ERGIC2: variants seen among roughly 807,000 people sequenced by gnomAD.
ERGIC2 encodes the protein endoplasmic reticulum-Golgi intermediate compartment protein 2.
A neutral mutation model predicts 52.5 loss-of-function variants in ERGIC2; 31 were observed. The observed-to-expected ratio is 0.59, with a 90% confidence interval of 0.44 to 0.80. The LOEUF (loss-of-function observed/expected upper bound fraction) is 0.80. ERGIC2 is among the 30% of genes least tolerant of loss of function. The pLI is 0.00. For synonymous variants in ERGIC2, 129 were observed against 140.6 expected, an observed-to-expected ratio of 0.92 and a Z score of 0.58; for missense variants, 395 against 455.2, an observed-to-expected ratio of 0.87 and a Z score of 1.20.
chr12:29,374,996 C>A (rs944631279), intron 1 of ERGIC2, among the ~76,000 whole-genome samples: 1 of 152,138 alleles, frequency 6.6e-6, no homozygotes, highest in Non-Finnish European at 1.5e-5. Context: ...AAAACCAGGT[C>A]CTGCTAACCT....
At chr12:29,369,994 A>T in intron 3 of ERGIC2, 120 bp downstream of exon 3, 1 of 907,882 alleles carries the variant, frequency 1.1e-6, no homozygotes. Flanking sequence ...TTTCAGGACT[A>T]TTTCTTCAGA....
intron 11 of ERGIC2, among the ~76,000 whole-genome samples, 175 bp downstream of exon 11, chr12:29,345,268 C>A (rs1940029383): frequency 6.6e-6 from 1 of 152,092 alleles, no homozygotes. Context: ...TACTAATATT[C>A]ATTTCTGACA....
chr12:29,379,409 A>C (rs1166483324), intron 1 of ERGIC2, among the ~76,000 whole-genome samples: 1 of 152,142 alleles, frequency 6.6e-6, no homozygotes, highest in Non-Finnish European at 1.5e-5. Flanking sequence ...TAATTTAAGA[A>C]AACAAGCAAC....
chr12:29,343,149 C>A lies in ERGIC2; in HGVS notation c.959G>T (p.Gly320Val). 1 of 1,609,848 alleles carries A rather than the reference C, an allele frequency of 6.2e-7. No homozygotes were observed. The highest frequency in any genetic ancestry group is 8.5e-7 in the Non-Finnish European group (1 of 1,177,410). The change falls in exon 12 of 14, where the codon GGT (glycine) becomes GTT (valine). Residue 320 changes from glycine (G) to valine (V), a missense_variant. Gly to Val is a moderately radical substitution (Grantham distance 109). Coordinates refer to ENST00000360150, the MANE Select transcript of ERGIC2 (RefSeq NM_016570.3). ...TGTTGAAAAGATTCCTCCAACAATACCACAGAGTCTTACAAAAAACTGCCA... is the reference window on the plus strand; with the variant it reads ...TGTTGAAAAGATTCCTCCAACAATAACACAGAGTCTTACAAAAAACTGCCA... ...PFWQFFVRLC[G>V]IVGGIFSTTG...
chr12:29,355,382 C>T (rs780814240), intron 8 of ERGIC2, among the ~76,000 whole-genome samples: 1 of 151,990 alleles, frequency 6.6e-6, no homozygotes, highest in East Asian at 1.9e-4. Flanking sequence ...AGGGCAAAAA[C>T]CCTTTATTTT....
chr12:29,337,821 T>C lies in ERGIC2; in HGVS notation c.*3335A>G, dbSNP rs576187891. 1.4e-4 allele frequency: 22 copies of C among 152,314 alleles called. 1 individual carries two copies. The highest frequency in any genetic ancestry group is 5.1e-4 in the African/African-American group (21 of 41,576). 9.4% of individuals were successfully genotyped at this position (152,314 alleles called of 1,614,324 possible). ...TTCATATTAAATTACTTTTTGGTACTTGAATTACTAACTCAGGACATAGAT... is the reference window on the plus strand; with the variant it reads ...TTCATATTAAATTACTTTTTGGTACCTGAATTACTAACTCAGGACATAGAT... On this transcript the variant is annotated 3_prime_UTR_variant, in exon 14 of 14. Coordinates refer to ENST00000360150, the MANE Select transcript of ERGIC2 (RefSeq NM_016570.3).
intron 8 of ERGIC2, among the ~76,000 whole-genome samples, chr12:29,352,837 T>A (rs369471291): frequency 2.0e-5 from 3 of 151,966 alleles, no homozygotes; most frequent in Non-Finnish European, 2.9e-5. Context: ...CCTGTTCTTT[T>A]AGCACCTTTA....
At chr12:29,341,860 T>G in intron 12 of ERGIC2, 44 bp from the exon 13 acceptor site, 1 of 970,400 alleles carries the variant, frequency 1.0e-6, no homozygotes, top group Non-Finnish European at 1.7e-6. Flanking sequence ...TTTCCTAAAC[T>G]GTTATTTAAG....
At chr12:29,346,542 AACC>A (rs910145673) in intron 10 of ERGIC2, among the ~76,000 whole-genome samples, 13 of 152,278 alleles carry the variant, frequency 8.5e-5, no homozygotes, top group Admixed American at 4.6e-4. Flanking sequence ...ATAAGAGAAT[AACC>A]ACCACAAGAC....
At chr12:29,368,332 C>A (rs1026170086) in intron 3 of ERGIC2, 45 bp from the exon 4 acceptor site, 4 of 992,098 alleles carry the variant, frequency 4.0e-6, no homozygotes, top group Non-Finnish European at 6.3e-6. Flanking sequence ...AATTAATTAG[C>A]AAAACATGAG....
At position 29,340,643 on chromosome 12, in the gene ERGIC2, G is replaced by A. The variant is rs1949830754; in HGVS notation, c.*513C>T. 1.1e-5 allele frequency: 3 copies of A among 277,362 alleles called. No homozygotes were observed. Among genetic ancestry groups the A allele is most frequent in the South Asian group, 1.0e-4 (3 of 28,956 alleles). 17.2% of individuals were successfully genotyped at this position (277,362 alleles called of 1,614,324 possible). ...AACATTAATATGGCTATAACATAGG[G>A]ACTAGCCCGTTTTTTTTTTTTATTA... On this transcript the variant is annotated 3_prime_UTR_variant, in exon 14 of 14. Coordinates refer to ENST00000360150, the MANE Select transcript of ERGIC2 (RefSeq NM_016570.3).
intron 8 of ERGIC2, among the ~76,000 whole-genome samples, chr12:29,350,283 A>G (rs1462554957): frequency 6.6e-6 from 1 of 152,150 alleles, no homozygotes; most frequent in African/African-American, 2.4e-5. Flanking sequence ...AGAGCCAGAT[A>G]GTAAATACTT....
At chr12:29,366,082 CTTCACTT>C (rs1375146156) in intron 5 of ERGIC2, among the ~76,000 whole-genome samples, 2 of 151,966 alleles carry the variant, frequency 1.3e-5, no homozygotes, top group East Asian at 1.9e-4. Flanking sequence ...CACCTTCACT[CTTCACTT>C]TGCAAATTTG....
At chr12:29,379,552 G>A (rs78139956) in intron 1 of ERGIC2, among the ~76,000 whole-genome samples, 4,840 of 152,224 alleles carry the variant, frequency 0.032, 104 homozygotes, top group South Asian at 0.072. Context: ...GGCAACATTT[G>A]TAACTACAGA....
chr12:29,365,470 G>A (rs1940347165), intron 5 of ERGIC2, among the ~76,000 whole-genome samples: 1 of 151,738 alleles, frequency 6.6e-6, no homozygotes, highest in South Asian at 2.1e-4. Context: ...GGGAGGGAGG[G>A]AGAAGGAAAA....
At chr12:29,361,517 T>C in intron 6 of ERGIC2, 128 bp downstream of exon 6, 1 of 568,038 alleles carries the variant, frequency 1.8e-6, no homozygotes, top group South Asian at 4.6e-5. Flanking sequence ...GATTATATTA[T>C]ATACCAAATT....
Position 29,356,269 on chromosome 12 carries a change from CGCCTCA to C in ERGIC2, c.572+107_572+112del, listed in dbSNP as rs1940203154. On this transcript the variant is annotated intron_variant, in intron 8 of 13. Coordinates refer to ENST00000360150, the MANE Select transcript of ERGIC2 (RefSeq NM_016570.3). ...AACTCCTGACCTCAGGTGATCCACC[CGCCTCA>C]GCCTCCCAAAGTGCTGGGATTACAG... The C allele has an allele frequency of 4.8e-6, 3 of 620,038 alleles. No homozygotes were observed. The East Asian group carries it at 8.9e-5, about 18-fold the overall frequency. The allele number at this position is 620,038 out of a possible 1,614,324, so 38.4% of individuals were successfully genotyped here. A position where few individuals can be genotyped will look rare whatever the true frequency, so the allele number is the denominator to read the frequency against.
chr12:29,348,533 A>G (rs1211147975), intron 10 of ERGIC2, among the ~76,000 whole-genome samples: 1 of 151,966 alleles, frequency 6.6e-6, no homozygotes, highest in Admixed American at 6.6e-5. Flanking sequence ...CTTTAAATGG[A>G]GCAGAAGGTT....
At chr12:29,362,694 C>A (rs1002690640) in intron 5 of ERGIC2, among the ~76,000 whole-genome samples, 1 of 152,052 alleles carries the variant, frequency 6.6e-6, no homozygotes, top group Non-Finnish European at 1.5e-5. Flanking sequence ...CATGCCTCTC[C>A]GGTAACTGTG....
Sources: gnomAD v4.1 joint callset for allele counts (sites outside exome capture counted in the v4.1 genomes callset) on GRCh38, gnomAD v4.1.1 for gene constraint, MANE v1.5 for transcripts, NCBI Gene and HGNC (gene_info 2026-07-23, HGNC 2026-07-21) for gene names.